CELF2: variants seen among roughly 807,000 people sequenced by gnomAD.
The protein encoded by CELF2 is CUG triplet repeat RNA-binding protein 2.
In CELF2, 8 loss-of-function variants were observed where a neutral mutation model predicts 62.6. The observed-to-expected ratio is 0.13, with a 90% CI of 0.07 to 0.23. The LOEUF (loss-of-function observed/expected upper bound fraction) is 0.23, where lower values mean the gene tolerates loss of function less well. Among genes scored for constraint, CELF2 ranks in the 10% least tolerant of loss-of-function variants. CELF2 has a pLI of 1.00. For synonymous variants in CELF2, 258 were observed against 250.0 expected, an observed-to-expected ratio of 1.03 and a Z score of -0.30; for missense variants, 333 against 671.0, an observed-to-expected ratio of 0.50 and a Z score of 5.56.
At chr10:10,594,660 A>G in the CELF2 span, among the ~76,000 whole-genome samples, 36,990 of 152,064 alleles carry the variant, frequency 0.24, 5,016 homozygotes, top group South Asian at 0.51. Flanking sequence ...AGAAAACAGA[A>G]CCAAGAATTT....
chr10:11,086,615 C>A (rs1291806), intron 1 of CELF2, among the ~76,000 whole-genome samples: 2 of 133,736 alleles, frequency 1.5e-5, no homozygotes, highest in African/African-American at 2.8e-5. Flanking sequence ...AAAAAACTCC[C>A]GACAGCACCA....
the CELF2 span, among the ~76,000 whole-genome samples, chr10:10,528,876 G>A: frequency 3.6e-4 from 55 of 152,232 alleles, no homozygotes; most frequent in Middle Eastern, 6.8e-3. Context: ...ATTTTGACGC[G>A]ATTATTTACC....
chr10:10,604,030 C>A, the CELF2 span, among the ~76,000 whole-genome samples: 1 of 152,012 alleles, frequency 6.6e-6, no homozygotes, highest in East Asian at 1.9e-4. Context: ...CCAACAACAA[C>A]AAAACCCATT....
At chr10:11,216,083 A>G (rs1266897698) in intron 2 of CELF2, among the ~76,000 whole-genome samples, 2 of 152,234 alleles carry the variant, frequency 1.3e-5, no homozygotes, top group Non-Finnish European at 2.9e-5. Flanking sequence ...CATTCAAGTG[A>G]TACATTTGAA....
chr10:11,225,157 A>G (rs2066077599), intron 3 of CELF2, among the ~76,000 whole-genome samples: 1 of 152,112 alleles, frequency 6.6e-6, no homozygotes, highest in Non-Finnish European at 1.5e-5. Context: ...CACCACTCTC[A>G]CTGCCCACCA....
chr10:10,999,601 T>C (rs774740724), intron 2 of CELF2, among the ~76,000 whole-genome samples: 1 of 152,178 alleles, frequency 6.6e-6, no homozygotes, highest in African/African-American at 2.4e-5. Flanking sequence ...ACACCATCTC[T>C]GAAAAAGTAT....
Position 10,936,952 on chromosome 10 carries a change from A to G in CELF2, c.89+16953A>G, listed in dbSNP as rs1008467002. ...CATCCTTTGAGGAGCAAACGACTAC[A>G]GAGCCACCAGTCCCATCTTTGAAAG... On this transcript the variant is annotated intron_variant, in intron 2 of 13. Transcript: ENST00000636488. The surrounding 1 kb of genome is among the most constrained non-coding windows in gnomAD (Gnocchi z 4.0). Among the ~76,000 whole-genome samples the G allele has an allele frequency of 1.3e-5, 2 of 152,166 alleles. No homozygotes were observed. The highest frequency in any genetic ancestry group is 4.8e-5 in the African/African-American group (2 of 41,436).
the CELF2 span, among the ~76,000 whole-genome samples, chr10:10,650,554 TAAC>T: frequency 6.6e-6 from 1 of 152,144 alleles, no homozygotes; most frequent in African/African-American, 2.4e-5. Context: ...AAGCATTTAT[TAAC>T]AAGAGAATGA....
Position 11,244,022 on chromosome 10 carries a change from T to C in CELF2, c.355-5131T>C, listed in dbSNP as rs142401097. Among the ~76,000 whole-genome samples the C allele has an allele frequency of 6.6e-5, 10 of 152,320 alleles. No individual in the cohort carries two copies. Among genetic ancestry groups the C allele is most frequent in the African/African-American group, 1.9e-4 (8 of 41,576 alleles). ...ACCTGGGCCCTCCCCCGTCTCCTGCTGTCTACTGGGACCTGCAGGCATGTG... is the reference window on the plus strand; with the variant it reads ...ACCTGGGCCCTCCCCCGTCTCCTGCCGTCTACTGGGACCTGCAGGCATGTG... On this transcript the variant is annotated intron_variant, in intron 3 of 12. Transcript: ENST00000633077. This position sits in a 1 kb window ranked among gnomAD's most constrained non-coding sequence, Gnocchi z 4.2.
At position 11,321,054 on chromosome 10, in the gene CELF2, T is replaced by C; in HGVS notation, c.1097-135T>C. The C allele has an allele frequency of 2.3e-6, 3 of 1,301,062 alleles. No individual in the cohort carries two copies. The South Asian group carries it at 3.9e-5, about 17-fold the overall frequency. 80.6% of individuals were successfully genotyped at this position (1,301,062 alleles called of 1,614,324 possible). A position where few individuals can be genotyped will look rare whatever the true frequency, so the allele number is the denominator to read the frequency against. On this transcript the variant is annotated intron_variant, in intron 10 of 12. Coordinates refer to ENST00000633077, the MANE Select transcript of CELF2 (RefSeq NM_001326342.2). The surrounding 1 kb of genome is among the most constrained non-coding windows in gnomAD (Gnocchi z 6.2). ...ATTTCTTCATGGTTTCATTTTTAGT[T>C]TCCTGTCAGTGTAATTGTGTGCTAG...
In CELF2 at chr10:11,157,652, C is replaced by G. The variant is rs146953394; in HGVS notation, c.75-7834C>G. On this transcript the variant is annotated intron_variant, in intron 1 of 12. Transcript: ENST00000633077. The surrounding 1 kb of genome is among the most constrained non-coding windows in gnomAD (Gnocchi z 4.9). ...TTTTTCAGCTCTCTCACCTTCAAACCTACCACTGTGCCTGACATAAAGCAG... is the reference window on the plus strand; with the variant it reads ...TTTTTCAGCTCTCTCACCTTCAAACGTACCACTGTGCCTGACATAAAGCAG... 3.9e-5 allele frequency among the ~76,000 whole-genome samples: 6 copies of G among 152,302 alleles called. No individual in the cohort carries two copies. Among genetic ancestry groups the G allele is most frequent in the South Asian group, 2.1e-4 (1 of 4,826 alleles).
At chr10:11,303,881 C>T (rs1416670868) in intron 9 of CELF2, among the ~76,000 whole-genome samples, 2 of 152,160 alleles carry the variant, frequency 1.3e-5, no homozygotes, top group Non-Finnish European at 2.9e-5. Flanking sequence ...ACCTTCCGCA[C>T]GCGACTTCAC....
At chr10:11,089,133 G>T (rs1165058438) in intron 1 of CELF2, among the ~76,000 whole-genome samples, 1 of 152,172 alleles carries the variant, frequency 6.6e-6, no homozygotes, top group African/African-American at 2.4e-5. Context: ...CTAAGAGCCA[G>T]CCCAGATTCA....
At chr10:11,129,827 C>T (rs2059342283) in intron 1 of CELF2, among the ~76,000 whole-genome samples, 1 of 152,148 alleles carries the variant, frequency 6.6e-6, no homozygotes, top group Non-Finnish European at 1.5e-5. Context: ...AAAACCAGCT[C>T]CTGGATTCAT....
intron 1 of CELF2, among the ~76,000 whole-genome samples, chr10:10,917,087 T>C (rs2064411987): frequency 6.6e-6 from 1 of 152,194 alleles, no homozygotes. Flanking sequence ...ATTTCATCAA[T>C]TTTACATCAG....
chr10:10,754,816 C>G, the CELF2 span, among the ~76,000 whole-genome samples: 3 of 152,202 alleles, frequency 2.0e-5, no homozygotes, highest in Non-Finnish European at 4.4e-5. Flanking sequence ...CAAGGCCTCT[C>G]CTAATTACCC....
intron 1 of CELF2, among the ~76,000 whole-genome samples, chr10:10,866,947 GA>G (rs2060424448): frequency 6.6e-6 from 1 of 150,464 alleles, no homozygotes; most frequent in Non-Finnish European, 1.5e-5. Context: ...AAAGTGGGGT[GA>G]AATACTCTTC....
chr10:10,919,778 AC>A (rs2064711620), intron 1 of CELF2, among the ~76,000 whole-genome samples: 1 of 152,250 alleles, frequency 6.6e-6, no homozygotes, highest in Non-Finnish European at 1.5e-5. Flanking sequence ...GTTGAAAGTA[AC>A]CATTGGAATG....
At chr10:11,127,942 A>G (rs1280785996) in intron 1 of CELF2, among the ~76,000 whole-genome samples, 4 of 152,216 alleles carry the variant, frequency 2.6e-5, no homozygotes, top group Admixed American at 2.6e-4. Flanking sequence ...TGTTTTAGAC[A>G]TGAAGTCCTT....
Sources: gnomAD v4.1 joint callset for allele counts (sites outside exome capture counted in the v4.1 genomes callset) on GRCh38, gnomAD v4.1.1 for gene constraint, Gnocchi (gnomAD v3.1) non-coding constraint, MANE v1.5 for transcripts, NCBI Gene and HGNC (gene_info 2026-07-23, HGNC 2026-07-21) for gene names.